The following SLC5A4 variants were observed in gnomAD, a reference collection of about 807,000 sequenced individuals.
SLC5A4 encodes probable glucose sensor protein SLC5A4.
In SLC5A4, 55 loss-of-function variants were observed where a neutral mutation model predicts 70.3. The observed-to-expected ratio is 0.78, with a 90% CI of 0.63 to 0.98. The LOEUF (loss-of-function observed/expected upper bound fraction) is 0.98, where lower values mean the gene tolerates loss of function less well. SLC5A4 is among the 50% of genes least tolerant of loss of function. The pLI is 0.00. For missense variants in SLC5A4, 735 were observed against 839.2 expected (o/e 0.88, Z 1.53); for synonymous variants, 268 against 305.7 (o/e 0.88, Z 1.29).
At chr22:32,270,460 G>T in the SLC5A4 span, 1 of 1,032,164 alleles carries the variant, frequency 9.7e-7, no homozygotes, top group Non-Finnish European at 1.5e-6. Context: ...GAATCCCAAG[G>T]GGGAGGGCAC....
the SLC5A4 span, among the ~76,000 whole-genome samples, chr22:32,350,479 T>C: frequency 2.0e-5 from 3 of 152,188 alleles, no homozygotes; most frequent in Non-Finnish European, 4.4e-5. Flanking sequence ...TCCTCTGAAT[T>C]TGTTGGCTTC....
At chr22:32,283,982 CAAAT>C in the SLC5A4 span, among the ~76,000 whole-genome samples, 1 of 152,194 alleles carries the variant, frequency 6.6e-6, no homozygotes, top group South Asian at 2.1e-4. Context: ...AAAGAATTGT[CAAAT>C]AAGAAAGCAA....
At chr22:32,251,148 G>GCAAAAAAAAAAAAAAAAAAAAAAAAAAAA (rs1927119312) in intron 3 of SLC5A4, among the ~76,000 whole-genome samples, 1 of 6,720 alleles carries the variant, frequency 1.5e-4, no homozygotes, top group Non-Finnish European at 2.7e-4. Context: ...AAACAAATAA[G>GCAAAAAAAAAAAAAAAAAAAAAAAAAAAA]CAAAAAAAAA....
chr22:32,343,778 C>A, the SLC5A4 span, among the ~76,000 whole-genome samples: 1 of 152,032 alleles, frequency 6.6e-6, no homozygotes, highest in Non-Finnish European at 1.5e-5. Flanking sequence ...TTAAGTCATG[C>A]AAAATAAAAC....
chr22:32,335,690 T>G, the SLC5A4 span, among the ~76,000 whole-genome samples: 1 of 152,202 alleles, frequency 6.6e-6, no homozygotes, highest in Non-Finnish European at 1.5e-5. Flanking sequence ...CCATTGTTCC[T>G]GCCTGCCCCC....
At chr22:32,301,265 A>G in the SLC5A4 span, among the ~76,000 whole-genome samples, 2 of 152,192 alleles carry the variant, frequency 1.3e-5, no homozygotes, top group Non-Finnish European at 2.9e-5. Context: ...CCAGCCACAT[A>G]TTCAGTTTCT....
the SLC5A4 span, chr22:32,272,881 C>T: frequency 2.7e-5 from 14 of 512,936 alleles, no homozygotes; most frequent in Admixed American, 2.9e-4. Context: ...GCTGATGCTG[C>T]TGAACGTGCT....
chr22:32,297,326 T>C, the SLC5A4 span, among the ~76,000 whole-genome samples: 1 of 150,972 alleles, frequency 6.6e-6, no homozygotes, highest in African/African-American at 2.4e-5. Flanking sequence ...TGCCACAATT[T>C]CAGCTCCTGT....
the SLC5A4 span, chr22:32,268,284 A>G: frequency 1.3e-5 from 2 of 152,132 alleles, no homozygotes; most frequent in East Asian, 3.9e-4. Context: ...ACATTTTTCC[A>G]TAGAGAGTGG....
At chr22:32,234,560 G>T (rs190283489) in intron 8 of SLC5A4, among the ~76,000 whole-genome samples, 10 of 152,158 alleles carry the variant, frequency 6.6e-5, no homozygotes, top group Middle Eastern at 6.8e-3. Context: ...TTAGCTGGGC[G>T]TGGTGGTGCA....
intron 5 of SLC5A4, among the ~76,000 whole-genome samples, chr22:32,243,760 G>A (rs953756890): frequency 6.7e-4 from 102 of 152,172 alleles, no homozygotes; most frequent in African/African-American, 2.4e-3. Context: ...GCCAAGCAGG[G>A]TGGATCATTT....
chr22:32,309,866 T>C, the SLC5A4 span, among the ~76,000 whole-genome samples: 2 of 151,466 alleles, frequency 1.3e-5, no homozygotes, highest in Non-Finnish European at 2.9e-5. Context: ...ACTCTGCACC[T>C]GCCTTTGCTG....
chr22:32,328,054 T>C, the SLC5A4 span, among the ~76,000 whole-genome samples: 1 of 151,598 alleles, frequency 6.6e-6, no homozygotes, highest in South Asian at 2.1e-4. Flanking sequence ...CGTGTGACCT[T>C]GGACGACGTC....
the SLC5A4 span, among the ~76,000 whole-genome samples, chr22:32,310,039 TG>T: frequency 2.3e-4 from 7 of 30,384 alleles, no homozygotes; most frequent in Non-Finnish European, 3.1e-4. Context: ...AAAAGACCTC[TG>T]GGTGGCAGCG....
rs752971076 is a variant in SLC5A4, at chr22:32,224,445, C to G, written c.1487G>C (p.Gly496Ala). The stretch of plus-strand genomic sequence containing the variant: ...AAACTCTGTTATCATACGAATGAGG[C>G]CCATTGCAAGTCCAACCATTAGACC... ...FWGLMVGLAM[G>A]LIRMITEFAY... Residue 496 changes from glycine to alanine, a missense_variant, in exon 13 of 15, where the codon GGC (glycine) becomes GCC (alanine). Transcript: ENST00000266086. 1 of 1,614,020 alleles carries G rather than the reference C, an allele frequency of 6.2e-7. No individual in the cohort carries two copies. Among genetic ancestry groups the G allele is most frequent in the South Asian group, 1.1e-5 (1 of 91,070 alleles).
At chr22:32,352,857 T>C in the SLC5A4 span, among the ~76,000 whole-genome samples, 13,128 of 152,262 alleles carry the variant, frequency 0.086, 995 homozygotes, top group East Asian at 0.46. Flanking sequence ...GCTCTTCAGT[T>C]TTCATTGCCG....
chr22:32,333,204 C>CT, the SLC5A4 span, among the ~76,000 whole-genome samples: 133 of 149,266 alleles, frequency 8.9e-4, 2 homozygotes, highest in Middle Eastern at 3.4e-3. Context: ...GCACCCCCCC[C>CT]CCAGAAGACT....
At chr22:32,293,572 C>T in the SLC5A4 span, among the ~76,000 whole-genome samples, 2 of 152,136 alleles carry the variant, frequency 1.3e-5, no homozygotes, top group East Asian at 3.9e-4. Flanking sequence ...AATTTATACC[C>T]CTCCTGTGTT....
the SLC5A4 span, chr22:32,271,009 G>T: frequency 1.9e-6 from 1 of 535,992 alleles, no homozygotes. Flanking sequence ...TGGGCTCGGA[G>T]ACTAGCCCCA....
Sources: allele counts gnomAD v4.1 joint callset (sites outside exome capture counted in the v4.1 genomes callset), GRCh38; gene constraint gnomAD v4.1.1; transcripts MANE v1.5; gene names NCBI Gene and HGNC (gene_info 2026-07-23, HGNC 2026-07-21).